PCDH15: variants seen among roughly 807,000 people sequenced by gnomAD.
PCDH15 encodes protocadherin-15.
In PCDH15, 129 loss-of-function variants were observed where a neutral mutation model predicts 178.5. The ratio of observed to expected loss-of-function variants is 0.72; its 90% CI spans 0.63 to 0.84. The LOEUF is 0.84. PCDH15 is among the 40% of genes least tolerant of loss of function. The pLI is 0.00. For missense variants in PCDH15, 2,230 were observed against 2,099.9 expected (o/e 1.06, Z -1.21); for synonymous variants, 800 against 732.0 (o/e 1.09, Z -1.50).
chr10:54,875,152 T>A (rs1954116452), intron 3 of PCDH15, among the ~76,000 whole-genome samples: 1 of 152,188 alleles, frequency 6.6e-6, no homozygotes, highest in African/African-American at 2.4e-5. Flanking sequence ...CTGTGGTAGT[T>A]CTCACAATAT....
chr10:54,222,326 A>G (rs1431580910), intron 9 of PCDH15, among the ~76,000 whole-genome samples: 3 of 152,208 alleles, frequency 2.0e-5, no homozygotes, highest in Non-Finnish European at 4.4e-5. Context: ...TCAAATAACT[A>G]CTTTGTGTTT....
chr10:54,417,832 T>C (rs1954669432), intron 3 of PCDH15, among the ~76,000 whole-genome samples: 1 of 152,190 alleles, frequency 6.6e-6, no homozygotes, highest in Non-Finnish European at 1.5e-5. Flanking sequence ...GTATTACATT[T>C]CAATATTTTA....
At chr10:55,177,603 C>A (rs1000740995) in intron 1 of PCDH15, among the ~76,000 whole-genome samples, 1 of 152,148 alleles carries the variant, frequency 6.6e-6, no homozygotes, top group African/African-American at 2.4e-5. Context: ...TGTTTATACC[C>A]TACATAATGT....
At chr10:54,544,158 GA>G (rs2085571755) in intron 2 of PCDH15, among the ~76,000 whole-genome samples, 1 of 152,128 alleles carries the variant, frequency 6.6e-6, no homozygotes. Flanking sequence ...TGGGGTGAAA[GA>G]AAACTTTTGT....
intron 11 of PCDH15, 35 bp from the exon 12 acceptor site, chr10:54,185,303 A>G: frequency 6.2e-7 from 1 of 1,611,984 alleles, no homozygotes; most frequent in South Asian, 1.1e-5. Context: ...CAAACGTTGA[A>G]TAAATAATGT....
At chr10:55,582,198 T>G (rs910166304) in intron 2 of PCDH15, among the ~76,000 whole-genome samples, 1 of 152,120 alleles carries the variant, frequency 6.6e-6, no homozygotes, top group African/African-American at 2.4e-5. Flanking sequence ...GCAACCAATC[T>G]AGAATCTCAT....
At chr10:55,450,861 T>A (rs1274320645) in intron 2 of PCDH15, among the ~76,000 whole-genome samples, 1 of 151,310 alleles carries the variant, frequency 6.6e-6, no homozygotes, top group Admixed American at 6.6e-5. Flanking sequence ...TCTAATCCTC[T>A]GACACACAAA....
chr10:54,520,422 T>C (rs2082722665), intron 3 of PCDH15, among the ~76,000 whole-genome samples: 1 of 152,152 alleles, frequency 6.6e-6, no homozygotes, highest in Non-Finnish European at 1.5e-5. Flanking sequence ...CAGACACTTC[T>C]CAAAAGAAGA....
intron 2 of PCDH15, among the ~76,000 whole-genome samples, chr10:55,102,465 A>C (rs2132047255): frequency 1.3e-5 from 2 of 152,282 alleles, no homozygotes; most frequent in East Asian, 3.9e-4. Context: ...TTAATTTATA[A>C]ATTAGGCAGA....
At chr10:54,710,942 T>C (rs11004460) in intron 1 of PCDH15, among the ~76,000 whole-genome samples, 86,728 of 151,674 alleles carry the variant, frequency 0.57, 26,311 homozygotes, top group Middle Eastern at 0.72. Flanking sequence ...TTAATAATAA[T>C]GCAGCAGGCA....
intron 25 of PCDH15, among the ~76,000 whole-genome samples, chr10:53,930,285 C>T (rs145383629): frequency 4.9e-4 from 74 of 151,574 alleles, no homozygotes; most frequent in African/African-American, 1.6e-3. Context: ...GGTGAAACCT[C>T]GTCTCTACTA....
chr10:53,999,032 G>A (rs1026916263), intron 20 of PCDH15, among the ~76,000 whole-genome samples: 2 of 138,512 alleles, frequency 1.4e-5, no homozygotes, highest in South Asian at 2.4e-4. Flanking sequence ...CAGCCTGGGT[G>A]ACAGAGTGAT....
rs1049118861 is a variant in PCDH15, at chr10:53,898,094, G to A, written c.3501+5149C>T. ...CCAATCTCCTGCCTCAGCCTCCCGAGTAGCTGGGACTACAGGTGCCCACCA... is the reference window on the plus strand; with the variant it reads ...CCAATCTCCTGCCTCAGCCTCCCGAATAGCTGGGACTACAGGTGCCCACCA... On this transcript the variant is annotated intron_variant, in intron 26 of 37. Coordinates refer to ENST00000644397, the MANE Select transcript of PCDH15 (RefSeq NM_001384140.1). Among the ~76,000 whole-genome samples, 29 of 150,564 alleles carry A rather than the reference G, an allele frequency of 1.9e-4. 1 individual carries two copies. The highest frequency in any genetic ancestry group is 5.3e-4 in the Admixed American group (8 of 15,008).
intron 2 of PCDH15, among the ~76,000 whole-genome samples, chr10:55,016,424 C>T (rs559832526): frequency 5.3e-5 from 8 of 152,234 alleles, no homozygotes; most frequent in Non-Finnish European, 8.8e-5. Context: ...TCCCCAGCCC[C>T]CGGTAACTGG....
chr10:54,951,531 G>T (rs1286221856), intron 2 of PCDH15, among the ~76,000 whole-genome samples: 4 of 151,896 alleles, frequency 2.6e-5, no homozygotes, highest in African/African-American at 9.7e-5. Context: ...CATTGTGGGT[G>T]AATTTTGGTG....
At chr10:54,871,416 G>A (rs1340971258) in intron 3 of PCDH15, among the ~76,000 whole-genome samples, 28 of 125,532 alleles carry the variant, frequency 2.2e-4, no homozygotes, top group African/African-American at 8.0e-4. Context: ...TAGTACAGAC[G>A]AAGTCTGAGA....
intron 5 of PCDH15, among the ~76,000 whole-genome samples, chr10:54,356,688 CA>C (rs56325148): frequency 2.0e-5 from 3 of 148,634 alleles, no homozygotes; most frequent in African/African-American, 2.5e-5. Flanking sequence ...TCATCAAAAA[CA>C]AAAAAAAAGC....
chr10:54,669,760 T>C (rs1429587491), intron 1 of PCDH15, among the ~76,000 whole-genome samples: 6 of 150,708 alleles, frequency 4.0e-5, no homozygotes, highest in East Asian at 1.9e-4. Context: ...ATTTAAAATA[T>C]GTGCTAATTT....
chr10:53,832,544 C>G (rs2077073778), intron 29 of PCDH15, among the ~76,000 whole-genome samples: 2 of 151,802 alleles, frequency 1.3e-5, no homozygotes, highest in South Asian at 4.1e-4. Flanking sequence ...CAGTCATAAT[C>G]ACTTCTAACA....
Sources: allele counts gnomAD v4.1 joint callset (sites outside exome capture counted in the v4.1 genomes callset), GRCh38; gene constraint gnomAD v4.1.1; transcripts MANE v1.5; gene names NCBI Gene and HGNC (gene_info 2026-07-23, HGNC 2026-07-21).